The following ITGB6 variants were observed in gnomAD, a reference collection of about 807,000 sequenced individuals.
ITGB6 encodes integrin subunit beta 6, also known as integrin beta-6.
Under a neutral mutation model 84.5 loss-of-function variants are expected in ITGB6, and 80 were observed. The observed-to-expected ratio is 0.95, with a 90% CI of 0.79 to 1.14. The LOEUF is 1.14. ITGB6 is among the 50% of genes most tolerant of loss of function. The probability of loss-of-function intolerance (pLI) is 0.00; values close to 1 mark genes in which losing one functional copy is unlikely to be tolerated. For missense variants in ITGB6, 1,006 were observed against 968.0 expected (o/e 1.04, Z -0.52); for synonymous variants, 383 against 354.9 (o/e 1.08, Z -0.89).
chr2:160,173,939 G>A, intron 5 of ITGB6, 35 bp downstream of exon 5: 1 of 1,558,032 alleles, frequency 6.4e-7, no homozygotes, highest in Non-Finnish European at 8.7e-7. Context: ...TGAATTTTAT[G>A]TTAACAGAGT....
intron 10 of ITGB6, 87 bp from the exon 11 acceptor site, chr2:160,126,688 T>A: frequency 8.0e-7 from 1 of 1,254,442 alleles, no homozygotes; most frequent in Non-Finnish European, 1.1e-6. Flanking sequence ...TCTTTGTCTT[T>A]AAGCACCGTC....
At chr2:160,132,037 C>T (rs1683489760) in intron 10 of ITGB6, among the ~76,000 whole-genome samples, 2 of 152,076 alleles carry the variant, frequency 1.3e-5, no homozygotes, top group Non-Finnish European at 2.9e-5. Context: ...TGTTAGATTA[C>T]ACTTAGGGCT....
rs1290541705 is a variant in ITGB6, at chr2:160,137,550, C to A, written c.1544G>T (p.Gly515Val). 2 of 1,614,208 alleles carry A rather than the reference C, an allele frequency of 1.2e-6. No homozygotes were observed. The highest frequency in any genetic ancestry group is 1.7e-6 in the Non-Finnish European group (2 of 1,180,012). Residue 515 changes from glycine (G) to valine (V), a missense_variant, in exon 10 of 15, where the codon GGT becomes GTT. Physicochemically the swap from Gly to Val is moderately radical, Grantham distance 109. Coordinates refer to ENST00000283249, the MANE Select transcript of ITGB6 (RefSeq NM_000888.5). ...GATACACTGCCCACAGTAGCAGTCA[C>A]CCCTTCCGCTGCAGGAGGGATGATC... Reference protein sequence around the residue: ...APDHPSCSGRGDCYCGQCICH... With the variant: ...APDHPSCSGRVDCYCGQCICH...
intron 12 of ITGB6, among the ~76,000 whole-genome samples, chr2:160,117,712 T>C (rs1306504497): frequency 3.3e-5 from 5 of 151,860 alleles, no homozygotes; most frequent in Admixed American, 1.3e-4. Flanking sequence ...TTCAAAAAAT[T>C]AATGAATCCA....
chr2:160,129,027 G>C (rs1288439591), intron 10 of ITGB6, among the ~76,000 whole-genome samples: 1 of 152,062 alleles, frequency 6.6e-6, no homozygotes, highest in Non-Finnish European at 1.5e-5. Context: ...AAAAACTCTG[G>C]AGAGCTTCAG....
intron 10 of ITGB6, among the ~76,000 whole-genome samples, chr2:160,134,779 A>T (rs1213487748): frequency 6.6e-6 from 1 of 152,260 alleles, no homozygotes; most frequent in Non-Finnish European, 1.5e-5. Flanking sequence ...GTAATCTAGC[A>T]TATAAACAGA....
intron 7 of ITGB6, among the ~76,000 whole-genome samples, chr2:160,152,819 G>A (rs2105841001): frequency 6.6e-6 from 1 of 152,240 alleles, no homozygotes; most frequent in African/African-American, 2.4e-5. Context: ...CAAACAGAGG[G>A]CCAAATCATG....
intron 12 of ITGB6, among the ~76,000 whole-genome samples, 185 bp downstream of exon 12, chr2:160,123,606 T>C (rs1041091330): frequency 3.3e-5 from 5 of 152,178 alleles, no homozygotes; most frequent in African/African-American, 4.8e-5. Context: ...AATGCTAGTG[T>C]CCTGAGACAT....
At chr2:160,176,151 C>A (rs1321354967) in intron 4 of ITGB6, among the ~76,000 whole-genome samples, 1 of 152,194 alleles carries the variant, frequency 6.6e-6, no homozygotes, top group African/African-American at 2.4e-5. Context: ...CCCAATATGT[C>A]CCAAGACGAC....
In ITGB6 at chr2:160,117,271, A is replaced by T. The variant is rs371316457; in HGVS notation, c.1982-5072T>A. On this transcript the variant is annotated intron_variant, in intron 12 of 14. Transcript: ENST00000283249. ...GTAACCACATAGTTGGAAGTAAAGC[A>T]CTCCTCAGCAAATGTAAAAGAACAG... Among the ~76,000 whole-genome samples, 99 of 152,162 alleles carry T rather than the reference A, an allele frequency of 6.5e-4. 1 individual carries two copies. The East Asian group carries it at 0.017, about 27-fold the overall frequency.
chr2:160,189,776 C>G (rs1261081869), intron 4 of ITGB6, among the ~76,000 whole-genome samples: 1 of 152,022 alleles, frequency 6.6e-6, no homozygotes, highest in Admixed American at 6.6e-5. Context: ...CTAGTTCAAC[C>G]ATTGTGGAAG....
Position 160,195,458 on chromosome 2 carries a change from G to T in ITGB6, c.504C>A (p.Ser168Arg). Residue 168 changes from serine to arginine, a missense_variant, in exon 4 of 15, where the codon AGC becomes AGA. Ser to Arg is a moderately radical substitution (Grantham distance 110, BLOSUM62 -1). Transcript: ENST00000283249. ...RLSKEMSKLT[S>R]NFRLGFGSFV... ...AAGATCCGAAGCCCAGTCTAAAGTT[G>T]CTGGTTAATTTAGACATCTCTTTGG... The T allele has an allele frequency of 6.2e-7, 1 of 1,614,194 alleles. No homozygotes were observed. The highest frequency in any genetic ancestry group is 1.1e-5 in the South Asian group (1 of 91,078).
chr2:160,161,491 A>G (rs1361811639), intron 7 of ITGB6, among the ~76,000 whole-genome samples: 1 of 152,066 alleles, frequency 6.6e-6, no homozygotes, highest in Non-Finnish European at 1.5e-5. Flanking sequence ...GGATTTCACC[A>G]TGTTGGCCAG....
chr2:160,153,837 C>T (rs966026651), intron 7 of ITGB6, among the ~76,000 whole-genome samples: 2 of 152,126 alleles, frequency 1.3e-5, no homozygotes, highest in African/African-American at 4.8e-5. Flanking sequence ...AAAAATCGCT[C>T]GTCATCACTG....
chr2:160,108,733 G>A (rs1055235028), intron 13 of ITGB6, among the ~76,000 whole-genome samples: 5 of 152,128 alleles, frequency 3.3e-5, no homozygotes, highest in Admixed American at 1.3e-4. Context: ...AAGCAAGTCT[G>A]GGAAATTAGA....
At chr2:160,152,364 T>C (rs979355203) in intron 7 of ITGB6, among the ~76,000 whole-genome samples, 4 of 152,178 alleles carry the variant, frequency 2.6e-5, no homozygotes, top group Non-Finnish European at 5.9e-5. Context: ...ATTATCTCAA[T>C]AGATGCAGAA....
intron 10 of ITGB6, among the ~76,000 whole-genome samples, chr2:160,136,699 C>T (rs535267893): frequency 5.9e-5 from 9 of 152,284 alleles, no homozygotes; most frequent in South Asian, 4.1e-4. Context: ...GGCACATATA[C>T]GCCATGGAAT....
At chr2:160,169,130 T>G in intron 7 of ITGB6, 82 bp downstream of exon 7, 2 of 768,992 alleles carry the variant, frequency 2.6e-6, no homozygotes, top group Non-Finnish European at 4.3e-6. Context: ...GGCCTTCCCA[T>G]GTGTTAAACT....
At chr2:160,192,883 A>G (rs1686195824) in intron 4 of ITGB6, among the ~76,000 whole-genome samples, 1 of 152,136 alleles carries the variant, frequency 6.6e-6, no homozygotes, top group Non-Finnish European at 1.5e-5. Flanking sequence ...ACACAGGAAA[A>G]GGAGCTCAAC....
Sources: allele counts gnomAD v4.1 joint callset (sites outside exome capture counted in the v4.1 genomes callset), GRCh38; gene constraint gnomAD v4.1.1; transcripts MANE v1.5; gene names NCBI Gene and HGNC (gene_info 2026-07-23, HGNC 2026-07-21).